GTF2I: variants seen among roughly 807,000 people sequenced by gnomAD.
The protein encoded by GTF2I is general transcription factor II-I.
In GTF2I, 12 loss-of-function variants were observed where a neutral mutation model predicts 67.6. That is an observed-to-expected ratio of 0.18 (90% confidence interval 0.11 to 0.29). The LOEUF is 0.29. Ranked by LOEUF, GTF2I falls within the 10% of genes least tolerant of loss-of-function variation. GTF2I has a pLI of 1.00. For synonymous variants in GTF2I, 149 were observed against 197.0 expected, an observed-to-expected ratio of 0.76 and a Z score of 2.04; for missense variants, 271 against 580.1, an observed-to-expected ratio of 0.47 and a Z score of 5.47.
intron 1 of GTF2I, among the ~76,000 whole-genome samples, chr7:74,663,582 C>T (rs1173559736): frequency 1.3e-5 from 2 of 152,128 alleles, no homozygotes; most frequent in East Asian, 1.9e-4. Context: ...TGAGCCACTG[C>T]GCCTGGTTCG....
At chr7:74,661,222 T>A (rs1804460715) in intron 1 of GTF2I, among the ~76,000 whole-genome samples, 2 of 152,148 alleles carry the variant, frequency 1.3e-5, no homozygotes, top group South Asian at 4.1e-4. Flanking sequence ...CCTCCCAGGC[T>A]GATTCTGCAG....
chr7:74,731,105 C>A (rs1462582502), intron 14 of GTF2I, among the ~76,000 whole-genome samples: 8 of 151,742 alleles, frequency 5.3e-5, no homozygotes, highest in African/African-American at 1.7e-4. Flanking sequence ...ATATAATGAT[C>A]AAAGAAATTC....
At chr7:74,729,405 T>A (rs375075444) in intron 13 of GTF2I, among the ~76,000 whole-genome samples, 115 of 152,210 alleles carry the variant, frequency 7.6e-4, no homozygotes, top group African/African-American at 2.6e-3. Context: ...TTCTACTGTG[T>A]CGTAGTCACA....
intron 12 of GTF2I, among the ~76,000 whole-genome samples, chr7:74,721,302 A>G (rs1437309391): frequency 6.6e-6 from 1 of 152,170 alleles, no homozygotes; most frequent in Non-Finnish European, 1.5e-5. Context: ...CGGCTTCCCA[A>G]AGTGCTGGGA....
Position 74,686,118 on chromosome 7 carries a change from A to G in GTF2I, c.-5-3006A>G, listed in dbSNP as rs34477028. On this transcript the variant is annotated intron_variant, in intron 1 of 34. Coordinates refer to ENST00000573035, the MANE Select transcript of GTF2I (RefSeq NM_032999.4). ...GGCTGAAGTGAAGTTACAATGTTAC[A>G]CTCCTGTGCAAACGTCTGATTGGTT... is the stretch of plus-strand genomic sequence containing the variant. Among the ~76,000 whole-genome samples the G allele has an allele frequency of 5.8e-3, 884 of 152,126 alleles. 5 individuals carry two copies. Among genetic ancestry groups the G allele is most frequent in the Middle Eastern group, 0.01 (3 of 294 alleles).
At chr7:74,674,946 T>C (rs187052590) in intron 1 of GTF2I, among the ~76,000 whole-genome samples, 1 of 150,364 alleles carries the variant, frequency 6.7e-6, no homozygotes, top group Admixed American at 6.6e-5. Flanking sequence ...TTCTTCCTCC[T>C]GGTTCAAGCG....
chr7:74,658,113 G>C (rs1278503702), intron 1 of GTF2I, 45 bp downstream of exon 1: 5 of 151,596 alleles, frequency 3.3e-5, no homozygotes, highest in African/African-American at 1.2e-4. Flanking sequence ...CCCCCGCCTC[G>C]GGGGCCATTG....
intron 11 of GTF2I, chr7:74,717,167 G>T: frequency 2.2e-6 from 1 of 455,696 alleles, no homozygotes; most frequent in Non-Finnish European, 3.6e-6. Flanking sequence ...ATGAAACTAA[G>T]TGGTAAGTAA....
chr7:74,717,804 G>A (rs587760081), intron 11 of GTF2I, among the ~76,000 whole-genome samples: 1 of 152,194 alleles, frequency 6.6e-6, no homozygotes, highest in Admixed American at 6.5e-5. Context: ...AAGTTCCCCA[G>A]TATAGGCTGG....
At chr7:74,732,381 T>C (rs1222793599) in intron 14 of GTF2I, 98 bp from the exon 15 acceptor site, 1 of 1,241,726 alleles carries the variant, frequency 8.1e-7, no homozygotes, top group East Asian at 3.1e-5. Flanking sequence ...CTCAAAAAAA[T>C]AAAAAAAAAG....
rs2131155263 is a variant in GTF2I, at chr7:74,657,834, TC to T, written c.-235del. 6.6e-6 allele frequency: 1 copy of T among 151,696 alleles called. No individual in the cohort carries two copies. The highest frequency in any genetic ancestry group is 2.4e-5 in the African/African-American group (1 of 41,280). The allele number at this position is 151,696 out of a possible 1,614,324, so 9.4% of individuals were successfully genotyped here. On this transcript the variant is annotated 5_prime_UTR_variant, in exon 1 of 35. Transcript: ENST00000573035. ...GCGGTCACCCCGGCCTCTGCCTCTG[TC>T]CCCCAGTGATCGGATCAAGGCGCTG...
chr7:74,700,685 G>A (rs782688528), intron 6 of GTF2I, 51 bp downstream of exon 6: 1 of 1,507,164 alleles, frequency 6.6e-7, no homozygotes, highest in Non-Finnish European at 9.2e-7. Flanking sequence ...CGTTTTGCTA[G>A]ATTTTCATAC....
intron 9 of GTF2I, among the ~76,000 whole-genome samples, 190 bp downstream of exon 9, chr7:74,711,299 G>A (rs1450037516): frequency 2.0e-5 from 3 of 152,098 alleles, no homozygotes; most frequent in African/African-American, 4.8e-5. Flanking sequence ...AGACAATCCA[G>A]AGGGGATATG....
At position 74,696,944 on chromosome 7, in the gene GTF2I, CGTT is replaced by C. The variant is rs1421368049; in HGVS notation, c.239-2013_239-2011del. ...AGCGCTTTTCTGGGATTTAGAAAAGCGTTGTTCAGCAGAAAAAAGTATCATGTG... is the reference window on the plus strand; with the variant it reads ...AGCGCTTTTCTGGGATTTAGAAAAGCGTTCAGCAGAAAAAAGTATCATGTG... On this transcript the variant is annotated intron_variant, in intron 3 of 34. Coordinates refer to ENST00000573035, the MANE Select transcript of GTF2I (RefSeq NM_032999.4). Among the ~76,000 whole-genome samples, 224 of 152,062 alleles carry C rather than the reference CGTT, an allele frequency of 1.5e-3. 2 individuals are homozygous for C. The highest frequency in any genetic ancestry group is 5.0e-3 in the African/African-American group (209 of 41,468).
chr7:74,721,554 T>C (rs1394630425), intron 12 of GTF2I, among the ~76,000 whole-genome samples: 1 of 151,820 alleles, frequency 6.6e-6, no homozygotes, highest in Non-Finnish European at 1.5e-5. Flanking sequence ...ATAAAAAATA[T>C]GTATATTATA....
intron 1 of GTF2I, 67 bp from the exon 2 acceptor site, chr7:74,689,057 A>G: frequency 2.2e-6 from 2 of 895,868 alleles, no homozygotes; most frequent in Non-Finnish European, 1.9e-6. Flanking sequence ...GGGCCCTCAC[A>G]GCTTTGGCTG....
chr7:74,737,335 T>C (rs1794888439), intron 18 of GTF2I, among the ~76,000 whole-genome samples: 1 of 147,162 alleles, frequency 6.8e-6, no homozygotes, highest in African/African-American at 2.5e-5. Flanking sequence ...GGAAATCATA[T>C]GAGTAGGGGG....
At chr7:74,659,788 C>T (rs1470713451) in intron 1 of GTF2I, among the ~76,000 whole-genome samples, 1 of 152,122 alleles carries the variant, frequency 6.6e-6, no homozygotes, top group Non-Finnish European at 1.5e-5. Context: ...GGTGATCCTC[C>T]CGTTTAGGCC....
At chr7:74,719,674 C>G (rs1554404198) in intron 12 of GTF2I, among the ~76,000 whole-genome samples, 1 of 152,170 alleles carries the variant, frequency 6.6e-6, no homozygotes, top group Non-Finnish European at 1.5e-5. Context: ...AATCCCAGCA[C>G]TTTGGGAGGC....
Sources: allele counts gnomAD v4.1 joint callset (sites outside exome capture counted in the v4.1 genomes callset), GRCh38; gene constraint gnomAD v4.1.1; transcripts MANE v1.5; gene names NCBI Gene and HGNC (gene_info 2026-07-23, HGNC 2026-07-21).